Variants in KCNN2 observed in about 807,000 individuals in gnomAD.
KCNN2 encodes small conductance calcium-activated potassium channel protein 2.
Under a neutral mutation model 55.5 loss-of-function variants are expected in KCNN2, and 24 were observed. The observed-to-expected ratio is 0.43, with a 90% CI of 0.31 to 0.61. KCNN2 has a LOEUF of 0.61. Ranked by LOEUF, KCNN2 falls within the 20% of genes least tolerant of loss-of-function variation. KCNN2 has a pLI of 0.08. For synonymous variants in KCNN2, 431 were observed against 336.1 expected (o/e 1.28, Z -3.09); for missense variants, 754 against 853.6 (o/e 0.88, Z 1.45).
chr5:114,247,500 A>G (rs1267957217), intron 2 of KCNN2, among the ~76,000 whole-genome samples: 3 of 152,322 alleles, frequency 2.0e-5, no homozygotes, highest in Middle Eastern at 3.4e-3. Flanking sequence ...CCACTGTGTC[A>G]TGTTGAATAA....
intron 1 of KCNN2, among the ~76,000 whole-genome samples, chr5:114,116,007 T>C (rs922484430): frequency 2.0e-5 from 3 of 152,118 alleles, no homozygotes; most frequent in African/African-American, 7.2e-5. Flanking sequence ...ACTTCTGCCC[T>C]GTGAATAAAG....
intron 1 of KCNN2, among the ~76,000 whole-genome samples, chr5:114,201,308 A>G (rs1052368298): frequency 4.6e-5 from 7 of 151,948 alleles, no homozygotes; most frequent in African/African-American, 1.7e-4. Context: ...TAATAATAAT[A>G]ATGATAATAA....
rs535178147 is a variant in KCNN2 at position 114,089,687 on chromosome 5, C to T, written c.-271+33187C>T. The stretch of plus-strand genomic sequence containing the variant: ...TTGCTGTTTTCCTTTTGTATTTCTT[C>T]TCCATAGAATGGGGTCTGAAAATTG... On this transcript the variant is annotated intron_variant, in intron 1 of 10. Transcript: ENST00000512097. Among the ~76,000 whole-genome samples the T allele has an allele frequency of 4.0e-5, 6 of 149,400 alleles. No individual in the cohort carries two copies. The South Asian group carries it at 1.2e-3, about 31-fold the overall frequency.
chr5:114,277,781 A>G (rs1755522190), intron 2 of KCNN2, among the ~76,000 whole-genome samples: 1 of 152,122 alleles, frequency 6.6e-6, no homozygotes, highest in Non-Finnish European at 1.5e-5. Context: ...ATGGGTTAGA[A>G]CATGCTCCTT....
chr5:114,476,573 C>A (rs1761977143), intron 5 of KCNN2, among the ~76,000 whole-genome samples: 1 of 152,036 alleles, frequency 6.6e-6, no homozygotes, highest in Admixed American at 6.6e-5. Flanking sequence ...CATGCACCAC[C>A]ATGCCCAGCT....
intron 2 of KCNN2, among the ~76,000 whole-genome samples, chr5:114,229,991 G>A (rs569549492): frequency 2.0e-5 from 3 of 152,252 alleles, no homozygotes; most frequent in South Asian, 2.1e-4. Flanking sequence ...AGGTCTATTA[G>A]ATAAATACTC....
Position 114,362,330 on chromosome 5 carries a change from G to C in KCNN2, c.191G>C (p.Ser64Thr), listed in dbSNP as rs539513321. ...AHQQPASGGS[S>T]PCLRCNSCAS... ...CAGCAGCCGGCCAGCGGCGGCAGCA[G>C]CCCATGCCTCCGGTGCAACAGCTGC... The change falls in exon 1 of 8, where the codon AGC (serine) becomes ACC (threonine). Residue 64 changes from serine (S) to threonine (T), a missense_variant. Coordinates refer to ENST00000673685, the MANE Select transcript of KCNN2 (RefSeq NM_021614.4). 1.6e-5 allele frequency: 3 copies of C among 193,412 alleles called. No homozygotes were observed. Among genetic ancestry groups the C allele is most frequent in the South Asian group, 1.3e-4 (1 of 7,970 alleles). The allele number at this position is 193,412 out of a possible 1,614,324, so 12.0% of individuals were successfully genotyped here.
chr5:114,322,887 T>C (rs1048296585), intron 2 of KCNN2, among the ~76,000 whole-genome samples: 5 of 152,208 alleles, frequency 3.3e-5, no homozygotes, highest in Admixed American at 1.3e-4. Context: ...GAAGGTATTG[T>C]ACAGATTATT....
At chr5:114,146,497 T>G (rs1752400030) in intron 1 of KCNN2, among the ~76,000 whole-genome samples, 1 of 152,160 alleles carries the variant, frequency 6.6e-6, no homozygotes, top group Non-Finnish European at 1.5e-5. Context: ...AAAACATATG[T>G]TTTTAACATG....
chr5:114,363,298 G>A, intron 1 of KCNN2, 37 bp downstream of exon 1: 2 of 1,535,790 alleles, frequency 1.3e-6, no homozygotes, highest in East Asian at 2.3e-5. Flanking sequence ...TACCGGAGTC[G>A]GGCACTGGGT....
chr5:114,483,748 G>C (rs1364154429), intron 5 of KCNN2, among the ~76,000 whole-genome samples: 1 of 128,052 alleles, frequency 7.8e-6, no homozygotes, highest in Non-Finnish European at 1.8e-5. Context: ...TGTGTGTAAA[G>C]ATGTTCCTGT....
chr5:114,325,809 A>G (rs978699685), intron 2 of KCNN2, among the ~76,000 whole-genome samples: 2 of 152,220 alleles, frequency 1.3e-5, no homozygotes, highest in African/African-American at 2.4e-5. Flanking sequence ...CTGGAACTGC[A>G]TCTCATCTGG....
intron 2 of KCNN2, among the ~76,000 whole-genome samples, chr5:114,337,846 A>T (rs1167998781): frequency 6.6e-6 from 1 of 152,218 alleles, no homozygotes; most frequent in African/African-American, 2.4e-5. Context: ...ATAATCTCAC[A>T]TATTAAAAGT....
intron 2 of KCNN2, among the ~76,000 whole-genome samples, chr5:114,286,039 C>T (rs148052958): frequency 1.3e-5 from 2 of 152,044 alleles, no homozygotes; most frequent in Middle Eastern, 6.8e-3. Context: ...CCTGTCTCAG[C>T]CTCCTGAGTA....
chr5:114,314,457 C>T (rs1489303851), intron 2 of KCNN2, among the ~76,000 whole-genome samples: 3 of 151,972 alleles, frequency 2.0e-5, no homozygotes, highest in African/African-American at 7.2e-5. Context: ...CTAAAAATGT[C>T]CCATGTTTTA....
chr5:114,232,109 T>C (rs908659285), intron 2 of KCNN2, among the ~76,000 whole-genome samples: 6 of 151,098 alleles, frequency 4.0e-5, no homozygotes, highest in Non-Finnish European at 5.9e-5. Flanking sequence ...CCTGTCCCAC[T>C]GTTTGGGCCT....
At chr5:114,437,554 A>C (rs1303102799) in intron 3 of KCNN2, among the ~76,000 whole-genome samples, 1 of 152,206 alleles carries the variant, frequency 6.6e-6, no homozygotes, top group Non-Finnish European at 1.5e-5. Context: ...TTTCAGATTA[A>C]AGATGGCAAG....
At chr5:114,320,322 C>T (rs963086966) in intron 2 of KCNN2, among the ~76,000 whole-genome samples, 1 of 151,988 alleles carries the variant, frequency 6.6e-6, no homozygotes, top group African/African-American at 2.4e-5. Context: ...TTAAAGAAAA[C>T]ATTCATCCAG....
At chr5:114,161,405 C>G (rs1264601169) in intron 1 of KCNN2, among the ~76,000 whole-genome samples, 1 of 132,380 alleles carries the variant, frequency 7.6e-6, no homozygotes, top group African/African-American at 2.8e-5. Flanking sequence ...TTGTGGGTAA[C>G]CCAACCTTTC....
Sources: gnomAD v4.1 joint callset for allele counts (sites outside exome capture counted in the v4.1 genomes callset) on GRCh38, gnomAD v4.1.1 for gene constraint, MANE v1.5 for transcripts, NCBI Gene and HGNC (gene_info 2026-07-23, HGNC 2026-07-21) for gene names.